The following CSGALNACT1 variants were observed in gnomAD, a reference collection of about 807,000 sequenced individuals.
The protein encoded by CSGALNACT1 is beta4GalNAcT-1.
A neutral mutation model predicts 51.0 loss-of-function variants in CSGALNACT1; 52 were observed. That is an observed-to-expected ratio of 1.02 (90% CI 0.82 to 1.29). The LOEUF is 1.29. CSGALNACT1 is among the 50% of genes most tolerant of loss of function. The pLI is 0.00. For missense variants in CSGALNACT1, 935 were observed against 679.2 expected (o/e 1.38, Z -4.19); for synonymous variants, 341 against 254.4 (o/e 1.34, Z -3.24).
upstream of CSGALNACT1, among the ~76,000 whole-genome samples, chr8:19,686,453 C>T (rs1447116364): frequency 6.6e-6 from 1 of 152,224 alleles, no homozygotes; most frequent in Non-Finnish European, 1.5e-5. Context: ...TGACCTTCCT[C>T]TTTGCACTGC....
chr8:19,746,340 G>C (rs2064661232), intron 1 of CSGALNACT1, among the ~76,000 whole-genome samples: 1 of 152,116 alleles, frequency 6.6e-6, no homozygotes, highest in Non-Finnish European at 1.5e-5. Flanking sequence ...CCTGAGAGTA[G>C]GCATCTTGGT....
intron 4 of CSGALNACT1, among the ~76,000 whole-genome samples, chr8:19,481,438 T>C (rs1396322283): frequency 6.6e-6 from 1 of 152,150 alleles, no homozygotes; most frequent in African/African-American, 2.4e-5. Context: ...TAGCAGGTGC[T>C]CGATAAACAC....
intron 3 of CSGALNACT1, among the ~76,000 whole-genome samples, chr8:19,587,294 A>G (rs1021707070): frequency 7.2e-5 from 11 of 152,218 alleles, no homozygotes; most frequent in African/African-American, 2.7e-4. Context: ...AGGTTCAGAA[A>G]CACTGGCTTA....
chr8:19,606,587 G>A (rs774124382), upstream of CSGALNACT1, among the ~76,000 whole-genome samples: 1 of 152,044 alleles, frequency 6.6e-6, no homozygotes, highest in Non-Finnish European at 1.5e-5. Context: ...CTGTTATTTT[G>A]TCAAATGAAA....
chr8:19,476,439 G>A (rs564648575), intron 4 of CSGALNACT1, among the ~76,000 whole-genome samples: 7 of 152,090 alleles, frequency 4.6e-5, no homozygotes, highest in South Asian at 2.1e-4. Flanking sequence ...ATGGGGTTTC[G>A]CCATGTTGGC....
chr8:19,715,535 G>T (rs552850840), intron 1 of CSGALNACT1, among the ~76,000 whole-genome samples: 2 of 152,180 alleles, frequency 1.3e-5, no homozygotes, highest in African/African-American at 2.4e-5. Flanking sequence ...ACTGTTGATG[G>T]TCATCTGGGT....
chr8:19,698,705 C>A (rs573804102), intron 1 of CSGALNACT1, among the ~76,000 whole-genome samples: 1 of 152,204 alleles, frequency 6.6e-6, no homozygotes, highest in South Asian at 2.1e-4. Flanking sequence ...AATTGGAATT[C>A]TTGTGAATCA....
chr8:19,405,320 A>G, exon 10 of CSGALNACT1: 1 of 454,500 alleles, frequency 2.2e-6, no homozygotes, highest in Non-Finnish European at 4.4e-6. Flanking sequence ...TAATAAGCCT[A>G]TCTCCTCTCC....
In CSGALNACT1 at chr8:19,720,085, T is replaced by C. The variant is rs540953712; in HGVS notation, c.-297+37765A>G. 3.9e-5 allele frequency among the ~76,000 whole-genome samples: 6 copies of C among 152,274 alleles called. No homozygotes were observed. In the East Asian group the frequency reaches 1.2e-3, roughly 29 times the overall value. On this transcript the variant is annotated intron_variant, in intron 1 of 1. Coordinates refer to the CSGALNACT1 transcript ENST00000517494. ...AGCCATTTTGCAAACCTGAGAATGA[T>C]GAGAAAGGCAGAGGAGAAAGCTAAA...
chr8:19,548,168 C>A (rs973531669), intron 3 of CSGALNACT1, among the ~76,000 whole-genome samples: 1 of 152,176 alleles, frequency 6.6e-6, no homozygotes, highest in African/African-American at 2.4e-5. Flanking sequence ...AGAGGAGAGG[C>A]AACTTGCCCA....
chr8:19,638,388 C>T (rs1016312147), intron 1 of CSGALNACT1, among the ~76,000 whole-genome samples: 3 of 152,176 alleles, frequency 2.0e-5, no homozygotes, highest in Non-Finnish European at 4.4e-5. Context: ...TCGGTGCCCA[C>T]TTGTCTTTGG....
intron 2 of CSGALNACT1, among the ~76,000 whole-genome samples, chr8:19,601,006 A>C (rs1280779616): frequency 6.6e-6 from 1 of 151,900 alleles, no homozygotes; most frequent in Non-Finnish European, 1.5e-5. Flanking sequence ...TGAAGCTTGG[A>C]ACCATATATA....
chr8:19,468,834 T>G (rs1008454602), intron 4 of CSGALNACT1, among the ~76,000 whole-genome samples: 1 of 152,094 alleles, frequency 6.6e-6, no homozygotes, highest in Non-Finnish European at 1.5e-5. Flanking sequence ...ACATCCCCAC[T>G]GTGTAAGCTG....
At chr8:19,657,863 G>C (rs939001899) in intron 1 of CSGALNACT1, among the ~76,000 whole-genome samples, 6 of 152,094 alleles carry the variant, frequency 3.9e-5, no homozygotes, top group Non-Finnish European at 7.4e-5. Context: ...GTCCAACAGA[G>C]CACCTTGGGC....
intron 1 of CSGALNACT1, among the ~76,000 whole-genome samples, chr8:19,642,483 T>C (rs199600823): frequency 2.0e-5 from 3 of 152,096 alleles, no homozygotes; most frequent in African/African-American, 7.2e-5. Flanking sequence ...CAAAAGGCTA[T>C]GGGGAAGCTG....
intron 1 of CSGALNACT1, among the ~76,000 whole-genome samples, chr8:19,646,171 A>C (rs796806927): frequency 2.6e-5 from 4 of 152,240 alleles, no homozygotes; most frequent in Admixed American, 6.5e-5. Flanking sequence ...ATTACTCAGT[A>C]GACTGACAAG....
At chr8:19,562,536 A>C (rs994971313) in intron 3 of CSGALNACT1, among the ~76,000 whole-genome samples, 5 of 152,044 alleles carry the variant, frequency 3.3e-5, no homozygotes, top group African/African-American at 7.3e-5. Context: ...CAGAATGGGG[A>C]AAAATTCTGC....
rs1350050794 is a variant in CSGALNACT1, at chr8:19,649,431, GT to G, written c.-544+33041del. ...CTGTGCAAAAAATAATAAATCCAGT[GT>G]TTTTTTACTCTGCCTTCTGGAATTA... On this transcript the variant is annotated intron_variant, in intron 1 of 9. Transcript: ENST00000332246. Among the ~76,000 whole-genome samples the G allele has an allele frequency of 1.6e-4, 25 of 151,912 alleles. 1 individual carries two copies. The highest frequency in any genetic ancestry group is 7.2e-4 in the Admixed American group (11 of 15,258).
intron 1 of CSGALNACT1, among the ~76,000 whole-genome samples, chr8:19,655,567 C>T (rs143803383): frequency 1.9e-4 from 6 of 32,386 alleles, no homozygotes; most frequent in African/African-American, 5.5e-4. Context: ...TATACACACA[C>T]ACACACACAC....
Sources: allele counts gnomAD v4.1 joint callset (sites outside exome capture counted in the v4.1 genomes callset), GRCh38; gene constraint gnomAD v4.1.1; transcripts MANE v1.5; gene names NCBI Gene and HGNC (gene_info 2026-07-23, HGNC 2026-07-21).